The following C12orf42 variants were observed in gnomAD, a reference collection of about 807,000 sequenced individuals.
C12orf42 encodes uncharacterized protein C12orf42.
C12orf42 carries 25 observed loss-of-function variants against 21.6 expected under a neutral mutation model. That is an observed-to-expected ratio of 1.16 (90% CI 0.84 to 1.62). The LOEUF (loss-of-function observed/expected upper bound fraction) is 1.62, where lower values mean the gene tolerates loss of function less well. Among genes scored for constraint, C12orf42 ranks in the 40% most tolerant of loss-of-function variants. C12orf42 has a pLI of 0.00. For synonymous variants in C12orf42, 174 were observed against 175.0 expected (o/e 0.99, Z 0.05); for missense variants, 483 against 459.3 (o/e 1.05, Z -0.47).
intron 1 of C12orf42, among the ~76,000 whole-genome samples, chr12:103,480,557 T>G (rs1954392237): frequency 6.6e-6 from 1 of 151,680 alleles, no homozygotes; most frequent in African/African-American, 2.4e-5. Flanking sequence ...TTCTAATGTA[T>G]TTAAATAAGT....
At chr12:103,294,614 A>AAG (rs2037109863) in intron 4 of C12orf42, among the ~76,000 whole-genome samples, 2 of 146,912 alleles carry the variant, frequency 1.4e-5, no homozygotes, top group African/African-American at 2.6e-5. Flanking sequence ...GAAAGAAAGA[A>AAG]AGAAAGAAAG....
intron 2 of C12orf42, among the ~76,000 whole-genome samples, chr12:103,410,323 G>T (rs7303147): frequency 0.63 from 96,002 of 151,964 alleles, 31,118 homozygotes; most frequent in Admixed American, 0.73. Flanking sequence ...AATCAATTTA[G>T]GATCTTCAGT....
intron 1 of C12orf42, among the ~76,000 whole-genome samples, chr12:103,495,254 G>C (rs563599149): frequency 3.3e-5 from 5 of 151,964 alleles, no homozygotes; most frequent in East Asian, 1.9e-4. Context: ...GGGAAGGTTA[G>C]GGGGAGAAGC....
the C12orf42 span, among the ~76,000 whole-genome samples, chr12:103,051,547 ATTC>A: frequency 3.3e-5 from 5 of 152,182 alleles, no homozygotes; most frequent in African/African-American, 1.2e-4. Flanking sequence ...AAATGTAAAT[ATTC>A]TTCTTTTAGG....
At chr12:103,435,123 A>AC (rs1417836893) in intron 2 of C12orf42, among the ~76,000 whole-genome samples, 2 of 152,112 alleles carry the variant, frequency 1.3e-5, no homozygotes, top group East Asian at 3.9e-4. Flanking sequence ...ACTGGGAGGC[A>AC]CCCCCCAGCA....
chr12:103,507,190 T>TATA, the C12orf42 span, among the ~76,000 whole-genome samples: 1,461 of 25,184 alleles, frequency 0.058, 317 homozygotes, highest in African/African-American at 0.37. Flanking sequence ...ATATATAATA[T>TATA]ATATATATTT....
the C12orf42 span, among the ~76,000 whole-genome samples, chr12:103,524,857 C>T: frequency 6.6e-6 from 1 of 151,388 alleles, no homozygotes; most frequent in Non-Finnish European, 1.5e-5. Flanking sequence ...CATCACAGGA[C>T]CTGCAGCTGG....
the C12orf42 span, among the ~76,000 whole-genome samples, chr12:103,054,635 G>A: frequency 2.0e-5 from 3 of 151,788 alleles, no homozygotes; most frequent in Non-Finnish European, 4.4e-5. Context: ...GGTGAAAGCA[G>A]GTATCTTTGC....
chr12:103,446,223 C>T (rs1207811981), intron 2 of C12orf42, among the ~76,000 whole-genome samples: 1 of 151,872 alleles, frequency 6.6e-6, no homozygotes, highest in East Asian at 1.9e-4. Flanking sequence ...CCTCCTTAAA[C>T]AAAGCAATTA....
At chr12:103,297,272 G>A (rs2037354970), downstream of C12orf42, among the ~76,000 whole-genome samples, 1 of 152,082 alleles carries the variant, frequency 6.6e-6, no homozygotes. Flanking sequence ...GCCTTGTAGT[G>A]TAGTTTGAAG....
the C12orf42 span, among the ~76,000 whole-genome samples, chr12:103,562,665 A>G: frequency 6.6e-6 from 1 of 152,160 alleles, no homozygotes; most frequent in Admixed American, 6.5e-5. Context: ...AAATCCAAAT[A>G]CTGCATTGTT....
chr12:103,352,823 G>T (rs184344909), intron 4 of C12orf42, among the ~76,000 whole-genome samples: 2 of 152,204 alleles, frequency 1.3e-5, no homozygotes, highest in Admixed American at 1.3e-4. Flanking sequence ...TTTTTATGAG[G>T]ATTAAATGGA....
the C12orf42 span, among the ~76,000 whole-genome samples, chr12:103,546,005 G>A: frequency 6.6e-6 from 1 of 152,178 alleles, no homozygotes; most frequent in Non-Finnish European, 1.5e-5. Context: ...CTATATTTCA[G>A]ATATTAAGTG....
intron 4 of C12orf42, among the ~76,000 whole-genome samples, chr12:103,291,729 CTTT>C (rs1021046170): frequency 2.0e-5 from 3 of 152,130 alleles, no homozygotes; most frequent in African/African-American, 7.2e-5. Context: ...GTGGAAGTGT[CTTT>C]TACCATTTTA....
chr12:103,446,594 G>C (rs1254937367), intron 2 of C12orf42, among the ~76,000 whole-genome samples: 1 of 151,886 alleles, frequency 6.6e-6, no homozygotes, highest in Non-Finnish European at 1.5e-5. Context: ...CATCAACCAA[G>C]TTTCTGCTGT....
chr12:103,318,875 T>G (rs1214323625), intron 4 of C12orf42, among the ~76,000 whole-genome samples: 2 of 152,212 alleles, frequency 1.3e-5, no homozygotes, highest in African/African-American at 4.8e-5. Context: ...TTTCACATCG[T>G]GCTAAAACTC....
chr12:103,063,374 T>C, the C12orf42 span, among the ~76,000 whole-genome samples: 1 of 152,162 alleles, frequency 6.6e-6, no homozygotes, highest in East Asian at 1.9e-4. Flanking sequence ...ACCAGGTGTT[T>C]AGTATTAAAG....
At chr12:103,192,489 C>T in the C12orf42 span, among the ~76,000 whole-genome samples, 10 of 134,382 alleles carry the variant, frequency 7.4e-5, no homozygotes, top group East Asian at 2.3e-4. Flanking sequence ...GGTAACAGAG[C>T]GAGACTCCAT....
chr12:103,091,120 AG>A, the C12orf42 span, among the ~76,000 whole-genome samples: 102 of 152,300 alleles, frequency 6.7e-4, no homozygotes, highest in Non-Finnish European at 1.2e-3. Context: ...ATTGGCATTC[AG>A]GGGTACAAAA....
Sources: gnomAD v4.1 joint callset for allele counts (sites outside exome capture counted in the v4.1 genomes callset) on GRCh38, gnomAD v4.1.1 for gene constraint, MANE v1.5 for transcripts, NCBI Gene and HGNC (gene_info 2026-07-23, HGNC 2026-07-21) for gene names.